Variants in QRFPR observed in about 807,000 individuals in gnomAD.
QRFPR encodes pyroglutamylated RFamide peptide receptor, also known as pyroglutamylated RF-amide peptide receptor.
In QRFPR, 37 loss-of-function variants were observed where a neutral mutation model predicts 31.3. That is an observed-to-expected ratio of 1.18 (90% CI 0.91 to 1.56). QRFPR has a LOEUF of 1.56. QRFPR is among the 40% of genes most tolerant of loss of function. QRFPR has a pLI of 0.00. For missense variants in QRFPR, 542 were observed against 532.5 expected (o/e 1.02, Z -0.18); for synonymous variants, 197 against 192.0 (o/e 1.03, Z -0.22).
intron 1 of QRFPR, among the ~76,000 whole-genome samples, chr4:121,358,543 C>T (rs949666857): frequency 6.6e-6 from 1 of 152,038 alleles, no homozygotes; most frequent in Non-Finnish European, 1.5e-5. Flanking sequence ...TTTGTTTTCT[C>T]TTCTATTATT....
At position 121,336,993 on chromosome 4, in the gene QRFPR, G is replaced by A; in HGVS notation, c.500-125C>T. 6 of 836,638 alleles carry A rather than the reference G, an allele frequency of 7.2e-6. No individual in the cohort carries two copies. In the South Asian group the frequency reaches 8.6e-5, roughly 12 times the overall value. The allele number at this position is 836,638 out of a possible 1,614,324, so 51.8% of individuals were successfully genotyped here. On this transcript the variant is annotated intron_variant, in intron 2 of 5. Transcript: ENST00000394427. ...TTCTCTGCCCTAGGGCAGTGCCATG[G>A]TCTCCCCCAAGTTTCATGCTTCCAC...
intron 1 of QRFPR, among the ~76,000 whole-genome samples, chr4:121,365,556 T>A (rs1215285444): frequency 0.016 from 57 of 3,662 alleles, 8 homozygotes; most frequent in Admixed American, 0.033. Context: ...ATATAATATA[T>A]AATATATATT....
intron 1 of QRFPR, among the ~76,000 whole-genome samples, chr4:121,343,574 T>A (rs183374618): frequency 1.9e-3 from 294 of 152,338 alleles, no homozygotes; most frequent in African/African-American, 6.8e-3. Flanking sequence ...AATAAATCAG[T>A]TTACCTCAAG....
In QRFPR at chr4:121,373,303, C is replaced by G. The variant is rs1016505060; in HGVS notation, c.340+7005G>C. 2.0e-5 allele frequency among the ~76,000 whole-genome samples: 3 copies of G among 152,298 alleles called. No homozygotes were observed. The South Asian group carries it at 6.2e-4, about 32-fold the overall frequency. On this transcript the variant is annotated intron_variant, in intron 1 of 5. Transcript: ENST00000394427. Reference sequence around the variant, plus strand: ...AGAATCTTTTACATAAATGCTGTTGCTGTTACTGCCACTCTCTCACCTACC... The same window carrying G: ...AGAATCTTTTACATAAATGCTGTTGGTGTTACTGCCACTCTCTCACCTACC...
At chr4:121,331,480 G>A (rs994114747) in intron 4 of QRFPR, among the ~76,000 whole-genome samples, 14 of 151,270 alleles carry the variant, frequency 9.3e-5, no homozygotes, top group Admixed American at 5.3e-4. Context: ...CACCACACCC[G>A]GCCTGATATA....
At chr4:121,331,873 G>A (rs762631856) in intron 4 of QRFPR, among the ~76,000 whole-genome samples, 19 of 151,892 alleles carry the variant, frequency 1.3e-4, no homozygotes, top group African/African-American at 1.7e-4. Context: ...GGCTGGTCTC[G>A]AACTCCTGAC....
chr4:121,361,401 T>C (rs1013891032), intron 1 of QRFPR, among the ~76,000 whole-genome samples: 1 of 150,166 alleles, frequency 6.7e-6, no homozygotes, highest in Non-Finnish European at 1.5e-5. Flanking sequence ...TATGATATTA[T>C]AGATAATCAG....
chr4:121,361,613 A>G (rs77285108), intron 1 of QRFPR, among the ~76,000 whole-genome samples: 18,413 of 150,030 alleles, frequency 0.12, 2,161 homozygotes, highest in Middle Eastern at 0.25. Flanking sequence ...ATTTTGATTC[A>G]GTAGGTATGT....
rs1434895071 is a variant in QRFPR, at chr4:121,370,209, G to A, written c.340+10099C>T. The A allele has an allele frequency of 6.8e-5, 53 of 774,720 alleles. 1 individual carries two copies. The highest frequency in any genetic ancestry group is 6.3e-4 in the South Asian group (47 of 74,398). 48.0% of individuals were successfully genotyped at this position (774,720 alleles called of 1,614,324 possible). A position where few individuals can be genotyped will look rare whatever the true frequency, so the allele number is the denominator to read the frequency against. ...AGGGATGCTGCCCATGTCTGATGGA[G>A]GAGGAGTCATGGGTGCAGGGTCCTT... On this transcript the variant is annotated intron_variant, in intron 1 of 5. Coordinates refer to ENST00000394427, the MANE Select transcript of QRFPR (RefSeq NM_198179.3).
chr4:121,352,877 C>A (rs1464212645), intron 1 of QRFPR, among the ~76,000 whole-genome samples: 1 of 152,032 alleles, frequency 6.6e-6, no homozygotes, highest in Non-Finnish European at 1.5e-5. Flanking sequence ...CCCTTTCACA[C>A]TACCCTTTCT....
chr4:121,350,429 T>C (rs768876669), intron 1 of QRFPR, among the ~76,000 whole-genome samples: 1 of 152,208 alleles, frequency 6.6e-6, no homozygotes, highest in Non-Finnish European at 1.5e-5. Flanking sequence ...AGATTGACAT[T>C]CTGAACAAGT....
intron 1 of QRFPR, among the ~76,000 whole-genome samples, chr4:121,341,748 A>G (rs1725546931): frequency 6.6e-6 from 1 of 152,164 alleles, no homozygotes. Flanking sequence ...GTCTGTACAA[A>G]TATTCCAACA....
At chr4:121,369,585 G>C in intron 1 of QRFPR, 1 of 1,611,600 alleles carries the variant, frequency 6.2e-7, no homozygotes. Context: ...GCACGGATCA[G>C]TTCCATTGGA....
At chr4:121,362,486 A>T (rs1415416668) in intron 1 of QRFPR, among the ~76,000 whole-genome samples, 1 of 150,048 alleles carries the variant, frequency 6.7e-6, no homozygotes, top group Admixed American at 6.6e-5. Context: ...TCTAAAGTTT[A>T]TATGGAGAGG....
At chr4:121,340,796 G>C (rs1356400648) in intron 1 of QRFPR, among the ~76,000 whole-genome samples, 186 bp from the exon 2 acceptor site, 1 of 152,024 alleles carries the variant, frequency 6.6e-6, no homozygotes, top group Non-Finnish European at 1.5e-5. Context: ...CCCTCTAACT[G>C]AACTTTATGT....
chr4:121,360,172 C>T (rs1010905393), intron 1 of QRFPR, among the ~76,000 whole-genome samples: 2 of 152,136 alleles, frequency 1.3e-5, no homozygotes, highest in Admixed American at 6.5e-5. Context: ...TAGCCCTAGG[C>T]AGAAATCATA....
chr4:121,367,768 G>A (rs1726155627), intron 1 of QRFPR, among the ~76,000 whole-genome samples: 1 of 150,078 alleles, frequency 6.7e-6, no homozygotes, highest in Non-Finnish European at 1.5e-5. Flanking sequence ...CATTGTCACA[G>A]CAACACTGTA....
At chr4:121,338,211 C>T (rs985626422) in intron 2 of QRFPR, among the ~76,000 whole-genome samples, 1 of 152,166 alleles carries the variant, frequency 6.6e-6, no homozygotes, top group Non-Finnish European at 1.5e-5. Flanking sequence ...CACATCTGTT[C>T]TATTTTAATC....
In QRFPR at chr4:121,328,774, G is replaced by A. The variant is rs1321015378; in HGVS notation, c.*540C>T. Among the ~76,000 whole-genome samples, 1 of 152,078 alleles carries A rather than the reference G, an allele frequency of 6.6e-6. No homozygotes were observed. The highest frequency in any genetic ancestry group is 1.5e-5 in the Non-Finnish European group (1 of 68,012). On this transcript the variant is annotated 3_prime_UTR_variant, in exon 6 of 6. Coordinates refer to ENST00000394427, the MANE Select transcript of QRFPR (RefSeq NM_198179.3). Reference sequence around the variant, plus strand: ...AATTTTTCAAAAAAATTTTTTTTGAGACGGGGAGTCTCGCTCTTTCGCCCA... The same window carrying A: ...AATTTTTCAAAAAAATTTTTTTTGAAACGGGGAGTCTCGCTCTTTCGCCCA...
Sources: gnomAD v4.1 joint callset for allele counts (sites outside exome capture counted in the v4.1 genomes callset) on GRCh38, gnomAD v4.1.1 for gene constraint, MANE v1.5 for transcripts, NCBI Gene and HGNC (gene_info 2026-07-23, HGNC 2026-07-21) for gene names.